Variants in PPARGC1A observed in about 807,000 individuals in gnomAD.
PPARGC1A encodes peroxisome proliferator-activated receptor gamma coactivator 1-alpha.
Under a neutral mutation model 88.7 loss-of-function variants are expected in PPARGC1A, and 25 were observed. That is an observed-to-expected ratio of 0.28 (90% confidence interval 0.21 to 0.39). PPARGC1A has a LOEUF of 0.39. Among genes scored for constraint, PPARGC1A ranks in the 10% least tolerant of loss-of-function variants. PPARGC1A has a pLI of 1.00. For synonymous variants in PPARGC1A, 363 were observed against 355.6 expected (o/e 1.02, Z -0.24); for missense variants, 880 against 968.7 (o/e 0.91, Z 1.22).
the PPARGC1A span, among the ~76,000 whole-genome samples, chr4:24,014,434 T>A: frequency 6.6e-6 from 1 of 152,194 alleles, no homozygotes; most frequent in Non-Finnish European, 1.5e-5. Flanking sequence ...TCATCAAAAC[T>A]TAAGTGATTT....
chr4:24,282,515 C>A, the PPARGC1A span, among the ~76,000 whole-genome samples: 1 of 152,228 alleles, frequency 6.6e-6, no homozygotes, highest in Non-Finnish European at 1.5e-5. Context: ...TCATAGGAAC[C>A]TGTCCATCAG....
At chr4:24,182,296 T>C in the PPARGC1A span, among the ~76,000 whole-genome samples, 8,546 of 152,284 alleles carry the variant, frequency 0.056, 346 homozygotes, top group African/African-American at 0.11. Flanking sequence ...GGCTTCCAGC[T>C]TCAACCATGT....
At chr4:23,997,755 G>C in the PPARGC1A span, among the ~76,000 whole-genome samples, 5 of 152,022 alleles carry the variant, frequency 3.3e-5, no homozygotes, top group Non-Finnish European at 7.4e-5. Context: ...GCCTCCCAAA[G>C]TGCTGGGATT....
the PPARGC1A span, among the ~76,000 whole-genome samples, chr4:24,161,864 T>A: frequency 9.9e-5 from 15 of 151,592 alleles, no homozygotes; most frequent in Non-Finnish European, 1.5e-5. Flanking sequence ...TAAAAAGTAA[T>A]GGCACACACA....
the PPARGC1A span, among the ~76,000 whole-genome samples, chr4:24,286,819 C>A: frequency 6.6e-6 from 1 of 152,120 alleles, no homozygotes; most frequent in South Asian, 2.1e-4. Context: ...CTCAGGGTCT[C>A]CCACAAGAAG....
chr4:23,827,025 T>G lies in PPARGC1A; in HGVS notation c.757+1375A>C, dbSNP rs1724085613. On this transcript the variant is annotated intron_variant, in intron 5 of 12. Transcript: ENST00000264867. ...CTAGAGCGAGCTCATCTGCTTCCCC[T>G]CACCTGAGGCCTTCATGACCAACAA... Among the ~76,000 whole-genome samples, 3 of 152,098 alleles carry G rather than the reference T, an allele frequency of 2.0e-5. No homozygotes were observed. The South Asian group carries it at 6.2e-4, about 32-fold the overall frequency.
chr4:24,134,475 T>C, the PPARGC1A span, among the ~76,000 whole-genome samples: 5 of 152,282 alleles, frequency 3.3e-5, no homozygotes, highest in Non-Finnish European at 5.9e-5. Context: ...TATGTTTGCG[T>C]GTTCGCAATG....
chr4:23,824,382 A>G, intron 6 of PPARGC1A, 29 bp from the exon 7 acceptor site: 2 of 1,611,380 alleles, frequency 1.2e-6, no homozygotes, highest in Non-Finnish European at 1.7e-6. Flanking sequence ...TTATAAAAAC[A>G]AACTGAAATG....
the PPARGC1A span, among the ~76,000 whole-genome samples, chr4:24,309,579 TTTTA>T: frequency 6.6e-6 from 1 of 152,018 alleles, no homozygotes; most frequent in Non-Finnish European, 1.5e-5. Flanking sequence ...CCCATAATCT[TTTTA>T]TTTAGTTAGT....
At chr4:24,437,421 T>C in the PPARGC1A span, among the ~76,000 whole-genome samples, 2,631 of 151,766 alleles carry the variant, frequency 0.017, 63 homozygotes, top group Middle Eastern at 0.078. Flanking sequence ...GAACGGGGGG[T>C]CCTAGGGCTG....
chr4:23,952,719 T>A, the PPARGC1A span, among the ~76,000 whole-genome samples: 1 of 152,100 alleles, frequency 6.6e-6, no homozygotes, highest in Non-Finnish European at 1.5e-5. Context: ...TTGGAAGGGC[T>A]TATACAATGT....
the PPARGC1A span, among the ~76,000 whole-genome samples, chr4:24,004,747 G>A: frequency 6.6e-6 from 1 of 152,126 alleles, no homozygotes; most frequent in African/African-American, 2.4e-5. Flanking sequence ...TGGAGTTCTT[G>A]GGTTCAAAAA....
chr4:23,952,854 A>T, the PPARGC1A span, among the ~76,000 whole-genome samples: 1 of 152,042 alleles, frequency 6.6e-6, no homozygotes, highest in Admixed American at 6.6e-5. Context: ...ACATGGACAC[A>T]CCTCTCTCAA....
At chr4:24,225,931 GGAGA>G in the PPARGC1A span, among the ~76,000 whole-genome samples, 97 of 152,146 alleles carry the variant, frequency 6.4e-4, no homozygotes, top group African/African-American at 2.2e-3. Context: ...CCAAATGAAA[GGAGA>G]GAGTCAGAAA....
chr4:24,378,968 T>C, the PPARGC1A span, among the ~76,000 whole-genome samples: 2 of 152,214 alleles, frequency 1.3e-5, no homozygotes, highest in African/African-American at 4.8e-5. Flanking sequence ...TTACTATTCA[T>C]AAAAATCTGC....
the PPARGC1A span, among the ~76,000 whole-genome samples, chr4:24,307,352 C>T: frequency 1.3e-5 from 2 of 152,256 alleles, no homozygotes; most frequent in East Asian, 3.9e-4. Flanking sequence ...GATGTAAAAT[C>T]TACACTGTAA....
At chr4:23,854,839 A>C (rs1233783034) in intron 2 of PPARGC1A, among the ~76,000 whole-genome samples, 1 of 152,150 alleles carries the variant, frequency 6.6e-6, no homozygotes, top group Non-Finnish European at 1.5e-5. Context: ...AAAGAAAAAA[A>C]GGGGAAGGAA....
the PPARGC1A span, among the ~76,000 whole-genome samples, chr4:24,414,868 C>T: frequency 6.6e-6 from 1 of 152,104 alleles, no homozygotes; most frequent in African/African-American, 2.4e-5. Context: ...CACAAGCAGC[C>T]ATATTGGTCT....
chr4:24,215,316 G>C, the PPARGC1A span, among the ~76,000 whole-genome samples: 1 of 152,210 alleles, frequency 6.6e-6, no homozygotes, highest in African/African-American at 2.4e-5. Context: ...ACTTGCGTGG[G>C]ATATGTAGTA....
Sources: gnomAD v4.1 joint callset for allele counts (sites outside exome capture counted in the v4.1 genomes callset) on GRCh38, gnomAD v4.1.1 for gene constraint, MANE v1.5 for transcripts, NCBI Gene and HGNC (gene_info 2026-07-23, HGNC 2026-07-21) for gene names.